Variants in AMZ1 observed in about 807,000 individuals in gnomAD.
The protein encoded by AMZ1 is archaelysin family metallopeptidase 1.
A neutral mutation model predicts 29.9 loss-of-function variants in AMZ1; 39 were observed. The observed-to-expected ratio is 1.30, with a 90% CI of 1.01 to 1.70. The LOEUF (loss-of-function observed/expected upper bound fraction) is 1.70. Among genes scored for constraint, AMZ1 ranks in the 40% most tolerant of loss-of-function variants. AMZ1 has a pLI of 0.00. For synonymous variants in AMZ1, 458 were observed against 304.0 expected (o/e 1.51, Z -5.27); for missense variants, 1,041 against 680.6 (o/e 1.53, Z -5.89).
intron 1 of AMZ1, among the ~76,000 whole-genome samples, chr7:2,690,033 G>T (rs946657316): frequency 6.6e-6 from 1 of 152,168 alleles, no homozygotes; most frequent in Non-Finnish European, 1.5e-5. Context: ...AGACGAATGT[G>T]GCCACAAGGC....
rs139162697 is a variant in AMZ1 at position 2,740,888 on chromosome 7, C to G, written n.551-23824C>G. ...TGAAACCCTGCCTCTACTAAAAATACAAAAAAATTAGTCGGGCGTGGTGGC... is the reference window on the plus strand; with the variant it reads ...TGAAACCCTGCCTCTACTAAAAATAGAAAAAAATTAGTCGGGCGTGGTGGC... On this transcript the variant is annotated intron_variant and non_coding_transcript_variant, in intron 4 of 4. Transcript: ENST00000489665. Among the ~76,000 whole-genome samples the G allele has an allele frequency of 5.1e-3, 778 of 152,116 alleles. 9 individuals carry two copies. Among genetic ancestry groups the G allele is most frequent in the African/African-American group, 0.018 (753 of 41,514 alleles).
At chr7:2,749,805 G>A (rs910450011) in intron 4 of AMZ1, among the ~76,000 whole-genome samples, 1 of 152,130 alleles carries the variant, frequency 6.6e-6, no homozygotes, top group Non-Finnish European at 1.5e-5. Context: ...GGGGATGAGA[G>A]AGGAAAGAAT....
At chr7:2,693,429 G>C (rs1219523038) in intron 1 of AMZ1, among the ~76,000 whole-genome samples, 1 of 152,174 alleles carries the variant, frequency 6.6e-6, no homozygotes, top group Non-Finnish European at 1.5e-5. Flanking sequence ...ATCCAGGCTG[G>C]AGTGCAGTGG....
chr7:2,726,110 G>A (rs1353412832), intron 4 of AMZ1, among the ~76,000 whole-genome samples: 1 of 152,234 alleles, frequency 6.6e-6, no homozygotes. Flanking sequence ...TTCGGAAAGA[G>A]ACTGCTAAGC....
chr7:2,704,255 T>G lies in AMZ1; in HGVS notation c.472+1366T>G, dbSNP rs34482528. 3.2e-3 allele frequency among the ~76,000 whole-genome samples: 481 copies of G among 152,282 alleles called. No individual in the cohort carries two copies. In the Middle Eastern group the frequency reaches 0.034, roughly 11 times the overall value. On this transcript the variant is annotated intron_variant, in intron 3 of 6. Coordinates refer to ENST00000683327, the MANE Select transcript of AMZ1 (RefSeq NM_001384743.1). ...TGGTGGCTCACACATGTAATCCCAG[T>G]ACTTTGAGAGGCTGAGGTGGGAGGA...
At chr7:2,762,902 G>T, upstream of AMZ1, 1 of 1,421,728 alleles carries the variant, frequency 7.0e-7, no homozygotes, top group East Asian at 2.7e-5. Flanking sequence ...TGCTGCGGCG[G>T]GGAGAAGAGG....
downstream of AMZ1, among the ~76,000 whole-genome samples, chr7:2,723,341 G>A (rs969724006): frequency 7.2e-5 from 11 of 152,224 alleles, no homozygotes; most frequent in Admixed American, 2.6e-4. Flanking sequence ...CTGGGTGAGC[G>A]GGAGAGCCAC....
chr7:2,694,753 A>G (rs1218142219), intron 1 of AMZ1, among the ~76,000 whole-genome samples: 1 of 151,440 alleles, frequency 6.6e-6, no homozygotes. Flanking sequence ...GCTCACTGCA[A>G]CCTCTGTCTC....
intron 4 of AMZ1, among the ~76,000 whole-genome samples, chr7:2,737,147 A>G (rs1790224067): frequency 6.6e-6 from 1 of 152,176 alleles, no homozygotes; most frequent in Non-Finnish European, 1.5e-5. Flanking sequence ...GCGTCTAAGT[A>G]GGGACAGATC....
intron 1 of AMZ1, among the ~76,000 whole-genome samples, chr7:2,681,727 A>T (rs919677315): frequency 4.6e-5 from 7 of 152,080 alleles, no homozygotes; most frequent in African/African-American, 1.7e-4. Flanking sequence ...TGCTGGAGAA[A>T]CTACATGTGG....
At chr7:2,687,160 CTA>C (rs1787112549), upstream of AMZ1, among the ~76,000 whole-genome samples, 1 of 152,044 alleles carries the variant, frequency 6.6e-6, no homozygotes, top group African/African-American at 2.4e-5. Context: ...AACCCCATCT[CTA>C]TTAAAAATAC....
chr7:2,708,237 C>A (rs1479637944), intron 3 of AMZ1, among the ~76,000 whole-genome samples: 1 of 152,186 alleles, frequency 6.6e-6, no homozygotes, highest in Admixed American at 6.5e-5. Context: ...TCACAGGTCC[C>A]AGGGCTGAGA....
Position 2,708,634 on chromosome 7 carries a change from G to T in AMZ1, c.519G>T (p.Leu173=). ...AGAACAACAAGCCAGGGGACGCGCT[G>T]TGTGTGCTGGGCCTCACACTGTCTG... The part of the protein sequence containing the change: ...FLKNNKPGDA[L]CVLGLTLSDL... Residue 173 remains leucine (L), a synonymous_variant, in exon 4 of 7, where the codon CTG becomes CTT. Transcript: ENST00000683327. 6.2e-7 allele frequency: 1 copy of T among 1,613,180 alleles called. No homozygotes were observed. Among genetic ancestry groups the T allele is most frequent in the Non-Finnish European group, 8.5e-7 (1 of 1,179,994 alleles).
intron 4 of AMZ1, among the ~76,000 whole-genome samples, chr7:2,750,147 G>C (rs1433835831): frequency 6.6e-6 from 1 of 152,088 alleles, no homozygotes; most frequent in African/African-American, 2.4e-5. Flanking sequence ...CAGACTCTCC[G>C]GTCTGACATG....
chr7:2,699,307 T>G (rs992448819), intron 1 of AMZ1, among the ~76,000 whole-genome samples: 3 of 152,108 alleles, frequency 2.0e-5, no homozygotes, highest in African/African-American at 7.2e-5. Flanking sequence ...GAGCATCTGT[T>G]TTGCAGGGCG....
At chr7:2,736,767 C>A (rs1790201673) in intron 4 of AMZ1, among the ~76,000 whole-genome samples, 1 of 152,236 alleles carries the variant, frequency 6.6e-6, no homozygotes, top group African/African-American at 2.4e-5. Flanking sequence ...GCTCAGAACT[C>A]CGTCAGCACC....
chr7:2,756,467 T>G (rs980882579), intron 4 of AMZ1, among the ~76,000 whole-genome samples: 5 of 151,920 alleles, frequency 3.3e-5, no homozygotes, highest in African/African-American at 9.7e-5. Context: ...TTTTAAAAAT[T>G]AGTCAGGTGT....
intron 4 of AMZ1, among the ~76,000 whole-genome samples, chr7:2,724,999 C>G (rs1411686053): frequency 2.6e-5 from 4 of 152,174 alleles, no homozygotes; most frequent in Non-Finnish European, 5.9e-5. Flanking sequence ...TGAGTTCTAC[C>G]CACTTCCTAC....
Position 2,714,895 on chromosome 7 carries a change from G to C in AMZ1, c.*2017G>C, listed in dbSNP as rs1789029130. The C allele has an allele frequency of 6.6e-6, 1 of 152,302 alleles. No homozygotes were observed. Among genetic ancestry groups the C allele is most frequent in the South Asian group, 2.1e-4 (1 of 4,820 alleles). The allele number at this position is 152,302 out of a possible 1,614,324, so 9.4% of individuals were successfully genotyped here. A position where few individuals can be genotyped will look rare whatever the true frequency, so the allele number is the denominator to read the frequency against. On this transcript the variant is annotated 3_prime_UTR_variant, in exon 7 of 7. Transcript: ENST00000683327. The stretch of plus-strand genomic sequence containing the variant: ...CAGCAGGCTCCTGGTCCCAGTCCCG[G>C]AAAATGCAAAGGGACAAGTATGTGT...
Sources: allele counts gnomAD v4.1 joint callset (sites outside exome capture counted in the v4.1 genomes callset), GRCh38; gene constraint gnomAD v4.1.1; transcripts MANE v1.5; gene names NCBI Gene and HGNC (gene_info 2026-07-23, HGNC 2026-07-21).